The following ATP2B1 variants were observed in gnomAD, a reference collection of about 807,000 sequenced individuals.
The protein encoded by ATP2B1 is plasma membrane calcium-transporting ATPase 1.
ATP2B1 carries 14 observed loss-of-function variants against 124.2 expected under a neutral mutation model. The observed-to-expected ratio is 0.11, with a 90% CI of 0.07 to 0.18. The LOEUF is 0.18. Ranked by LOEUF, ATP2B1 falls within the 10% of genes least tolerant of loss-of-function variation. The pLI, the probability that ATP2B1 is intolerant of heterozygous loss-of-function variation, is 1.00. For synonymous variants in ATP2B1, 449 were observed against 492.4 expected, an observed-to-expected ratio of 0.91 and a Z score of 1.17; for missense variants, 763 against 1,466.1, an observed-to-expected ratio of 0.52 and a Z score of 7.83.
intron 1 of ATP2B1, among the ~76,000 whole-genome samples, chr12:89,699,068 G>C (rs1054250016): frequency 6.6e-6 from 1 of 152,090 alleles, no homozygotes; most frequent in Admixed American, 6.5e-5. Flanking sequence ...CTCCCGTTTT[G>C]CCCCCCTGTC....
At chr12:89,675,985 A>G (rs1205857339) in intron 1 of ATP2B1, among the ~76,000 whole-genome samples, 1 of 152,186 alleles carries the variant, frequency 6.6e-6, no homozygotes, top group Non-Finnish European at 1.5e-5. Context: ...AAACAACTTC[A>G]GAAATTTGTC....
intron 18 of ATP2B1, 85 bp from the exon 19 acceptor site, chr12:89,601,518 TA>T: frequency 3.9e-6 from 3 of 775,148 alleles, no homozygotes; most frequent in Non-Finnish European, 5.9e-6. Context: ...TTATGTCCTC[TA>T]AAACAAGGTG....
At chr12:89,605,746 C>A (rs1462898836) in intron 15 of ATP2B1, among the ~76,000 whole-genome samples, 1 of 152,108 alleles carries the variant, frequency 6.6e-6, no homozygotes, top group African/African-American at 2.4e-5. Context: ...AGATCCAACA[C>A]AAAGGAGAAT....
At chr12:89,619,898 T>C in intron 11 of ATP2B1, 101 bp downstream of exon 11, 2 of 1,455,726 alleles carry the variant, frequency 1.4e-6, no homozygotes, top group South Asian at 1.4e-5. Flanking sequence ...TCCTATCAAA[T>C]GCCTGATGTT....
intron 15 of ATP2B1, among the ~76,000 whole-genome samples, chr12:89,607,034 G>GT (rs1877047566): frequency 6.6e-6 from 1 of 152,080 alleles, no homozygotes; most frequent in Non-Finnish European, 1.5e-5. Flanking sequence ...ATAAAAACTA[G>GT]TTCTATGATG....
At position 89,688,933 on chromosome 12, in the gene ATP2B1, T is replaced by C. The variant is rs761405932; in HGVS notation, c.-222+19663A>G. 1.4e-4 allele frequency among the ~76,000 whole-genome samples: 22 copies of C among 152,258 alleles called. No individual in the cohort carries two copies. The Middle Eastern group carries it at 0.01, about 71-fold the overall frequency. Reference sequence around the variant, plus strand: ...TAGGGCTAATCGTATCTTTTGCTTATAGGTTCCTTTACCAAAAAATACACA... The same window carrying C: ...TAGGGCTAATCGTATCTTTTGCTTACAGGTTCCTTTACCAAAAAATACACA... On this transcript the variant is annotated intron_variant, in intron 1 of 20. Transcript: ENST00000428670.
intron 1 of ATP2B1, among the ~76,000 whole-genome samples, chr12:89,701,199 G>A (rs565238633): frequency 1.3e-5 from 2 of 152,246 alleles, no homozygotes; most frequent in East Asian, 1.9e-4. Context: ...TTCATGGAAC[G>A]GCAGCAATGA....
intron 11 of ATP2B1, among the ~76,000 whole-genome samples, chr12:89,618,574 C>T (rs754881546): frequency 3.7e-4 from 57 of 152,292 alleles, no homozygotes; most frequent in Non-Finnish European, 7.5e-4. Flanking sequence ...TGTACTGTGG[C>T]AAGAAGAAAG....
chr12:89,641,250 G>A (rs574867265), intron 3 of ATP2B1, among the ~76,000 whole-genome samples: 17 of 152,152 alleles, frequency 1.1e-4, no homozygotes, highest in Admixed American at 8.5e-4. Context: ...AAGAGAAAGG[G>A]AAAGATAGGA....
chr12:89,607,838 G>A (rs1387910494), intron 15 of ATP2B1, among the ~76,000 whole-genome samples: 4 of 151,948 alleles, frequency 2.6e-5, no homozygotes, highest in Non-Finnish European at 5.9e-5. Context: ...TTTTTGTCCC[G>A]AATATTTGCG....
intron 1 of ATP2B1, among the ~76,000 whole-genome samples, chr12:89,667,221 T>C (rs1887414792): frequency 6.6e-6 from 1 of 152,194 alleles, no homozygotes; most frequent in Admixed American, 6.5e-5. Flanking sequence ...CTATTAGCCA[T>C]CATCTATTAA....
At chr12:89,593,973 T>C (rs1874086351) in intron 20 of ATP2B1, 1 of 151,988 alleles carries the variant, frequency 6.6e-6, no homozygotes, top group South Asian at 2.1e-4. Flanking sequence ...CATACGATCA[T>C]TTACTTTATC....
intron 11 of ATP2B1, 44 bp downstream of exon 11, chr12:89,619,940 AGATACTCCATAAAGC>A (rs1329341984): frequency 2.5e-6 from 4 of 1,587,574 alleles, no homozygotes; most frequent in Admixed American, 3.4e-5. Context: ...ACAACACAGT[AGATACTCCATAAAGC>A]AACTATAGTC....
At chr12:89,683,201 C>T (rs919160110) in intron 1 of ATP2B1, among the ~76,000 whole-genome samples, 2 of 152,218 alleles carry the variant, frequency 1.3e-5, no homozygotes, top group African/African-American at 4.8e-5. Flanking sequence ...ACAATCAATT[C>T]ACCAGCAATG....
At chr12:89,698,031 C>G (rs570586880) in intron 1 of ATP2B1, among the ~76,000 whole-genome samples, 1 of 152,132 alleles carries the variant, frequency 6.6e-6, no homozygotes, top group Non-Finnish European at 1.5e-5. Flanking sequence ...CCACTACGCC[C>G]GGCTAATTTT....
chr12:89,619,023 G>T (rs1016251504), intron 11 of ATP2B1, among the ~76,000 whole-genome samples: 1 of 151,512 alleles, frequency 6.6e-6, no homozygotes, highest in Non-Finnish European at 1.5e-5. Flanking sequence ...TGAAATTAAA[G>T]AAACTAAAAT....
intron 1 of ATP2B1, among the ~76,000 whole-genome samples, chr12:89,681,118 C>A (rs1409226158): frequency 6.6e-6 from 1 of 151,970 alleles, no homozygotes; most frequent in Non-Finnish European, 1.5e-5. Flanking sequence ...TATAGTTAAT[C>A]GTAGGACTAA....
At chr12:89,629,450 T>C (rs536434118) in intron 6 of ATP2B1, among the ~76,000 whole-genome samples, 13 of 152,280 alleles carry the variant, frequency 8.5e-5, no homozygotes, top group East Asian at 1.9e-4. Context: ...TGGAAGCACA[T>C]TGAGAACTGC....
At chr12:89,594,754 A>G (rs566902016) in intron 20 of ATP2B1, 21 of 152,048 alleles carry the variant, frequency 1.4e-4, no homozygotes, top group African/African-American at 4.8e-4. Context: ...TACAAAACCA[A>G]TTTTTCTAAA....
Sources: allele counts gnomAD v4.1 joint callset (sites outside exome capture counted in the v4.1 genomes callset), GRCh38; gene constraint gnomAD v4.1.1; transcripts MANE v1.5; gene names NCBI Gene and HGNC (gene_info 2026-07-23, HGNC 2026-07-21).